The following FARP2 variants were observed in gnomAD, a reference collection of about 807,000 sequenced individuals.
The protein encoded by FARP2 is FERM, ARH/RhoGEF and pleckstrin domain protein 2.
Under a neutral mutation model 130.5 loss-of-function variants are expected in FARP2, and 111 were observed. That is an observed-to-expected ratio of 0.85 (90% CI 0.73 to 1.00). The LOEUF is 1.00. FARP2 is among the 50% of genes least tolerant of loss of function. FARP2 has a pLI of 0.00. For synonymous variants in FARP2, 504 were observed against 516.9 expected, an observed-to-expected ratio of 0.98 and a Z score of 0.34; for missense variants, 1,385 against 1,346.3, an observed-to-expected ratio of 1.03 and a Z score of -0.45.
Position 241,413,332 on chromosome 2 carries a change from G to A in FARP2, c.534G>A (p.Thr178=), listed in dbSNP as rs138549813. The change falls in exon 7 of 27, where the codon ACG becomes ACA. Residue 178 remains threonine, a synonymous_variant. Coordinates refer to ENST00000264042, the MANE Select transcript of FARP2 (RefSeq NM_014808.4). The stretch of plus-strand genomic sequence containing the variant: ...CGGAAATAGGAGATTACGATGAAAC[G>A]CTGGACCGAGAGCACCTCAAAGTGA... ...LQSEIGDYDE[T]LDREHLKVNE... is the part of the protein sequence containing the mutation. The A allele has an allele frequency of 1.4e-4, 221 of 1,610,528 alleles. No homozygotes were observed. The African/African-American group carries it at 1.8e-3, about 13-fold the overall frequency.
Position 241,356,799 on chromosome 2 carries a change from A to G in FARP2, c.-25+411A>G, listed in dbSNP as rs77625769. On this transcript the variant is annotated intron_variant, in intron 1 of 26. Coordinates refer to ENST00000264042, the MANE Select transcript of FARP2 (RefSeq NM_014808.4). ...GTGTCCCATCCCGGAAGGACACCCC[A>G]GAGTGGGCCATAGGGACCCGCAGGG... 5.1e-3 allele frequency among the ~76,000 whole-genome samples: 781 copies of G among 152,374 alleles called. 4 individuals carry two copies. Among genetic ancestry groups the G allele is most frequent in the African/African-American group, 0.018 (746 of 41,600 alleles).
intron 1 of FARP2, among the ~76,000 whole-genome samples, chr2:241,366,123 GTATA>G (rs57241708): frequency 2.3e-5 from 2 of 88,012 alleles, no homozygotes; most frequent in African/African-American, 9.0e-5. Flanking sequence ...ATATATATAC[GTATA>G]TATATATATA....
chr2:241,476,075 T>A (rs1574897841), intron 19 of FARP2, 88 bp downstream of exon 19: 5 of 1,324,544 alleles, frequency 3.8e-6, no homozygotes, highest in Admixed American at 2.2e-5. Context: ...GTCACCATTT[T>A]AAAATGTATA....
At chr2:241,487,307 G>A (rs1005007917) in intron 21 of FARP2, among the ~76,000 whole-genome samples, 2 of 152,214 alleles carry the variant, frequency 1.3e-5, no homozygotes, top group African/African-American at 4.8e-5. Flanking sequence ...AATTGAAACA[G>A]ACACTCCTCA....
At chr2:241,444,248 A>G (rs1381909623) in intron 13 of FARP2, 1 of 152,294 alleles carries the variant, frequency 6.6e-6, no homozygotes, top group Non-Finnish European at 1.5e-5. Flanking sequence ...ACAGAAGCGC[A>G]GCAGTGAACC....
chr2:241,420,112 C>T (rs1027379077), intron 8 of FARP2, among the ~76,000 whole-genome samples: 1 of 152,234 alleles, frequency 6.6e-6, no homozygotes, highest in Non-Finnish European at 1.5e-5. Flanking sequence ...GATCGTGCCA[C>T]TGCACTGCAG....
chr2:241,468,083 C>CT, intron 17 of FARP2, 57 bp from the exon 18 acceptor site: 1 of 1,166,482 alleles, frequency 8.6e-7, no homozygotes. Context: ...ACAGGCCAGT[C>CT]TCCCCCTGGA....
chr2:241,455,334 T>C (rs1038162753), intron 13 of FARP2, among the ~76,000 whole-genome samples: 1 of 152,242 alleles, frequency 6.6e-6, no homozygotes, highest in African/African-American at 2.4e-5. Context: ...CATGATAGTT[T>C]CAGTGTTCAA....
chr2:241,383,996 GA>G (rs570330365), intron 2 of FARP2, among the ~76,000 whole-genome samples: 89 of 152,100 alleles, frequency 5.9e-4, no homozygotes, highest in African/African-American at 1.9e-3. Flanking sequence ...TGACCTTCCA[GA>G]AGGTGCTAAC....
At chr2:241,458,088 C>A (rs2063911501) in intron 14 of FARP2, among the ~76,000 whole-genome samples, 1 of 152,296 alleles carries the variant, frequency 6.6e-6, no homozygotes, top group South Asian at 2.1e-4. Flanking sequence ...GGCAGGGATG[C>A]TGTGGCCTCA....
rs183708693 is a variant in FARP2 at position 241,491,306 on chromosome 2, T to G, written c.2623+127T>G. The G allele has an allele frequency of 3.4e-4, 297 of 874,338 alleles. No homozygotes were observed. In the East Asian group the frequency reaches 6.5e-3, roughly 19 times the overall value. 54.2% of individuals were successfully genotyped at this position (874,338 alleles called of 1,614,324 possible). On this transcript the variant is annotated intron_variant, in intron 23 of 26. Coordinates refer to ENST00000264042, the MANE Select transcript of FARP2 (RefSeq NM_014808.4). Reference sequence around the variant, plus strand: ...CACAATCCCCTTCCACAAGGAATGTTCCAGGCTACGCCTCATGCCTGGGCG... The same window carrying G: ...CACAATCCCCTTCCACAAGGAATGTGCCAGGCTACGCCTCATGCCTGGGCG...
intron 13 of FARP2, chr2:241,447,270 C>T (rs1197416830): frequency 2.6e-5 from 4 of 152,216 alleles, no homozygotes; most frequent in African/African-American, 9.7e-5. Flanking sequence ...CTGACATCTT[C>T]ATAGGCTTCT....
chr2:241,463,048 C>G (rs35319025), intron 15 of FARP2, among the ~76,000 whole-genome samples: 13,466 of 152,240 alleles, frequency 0.088, 812 homozygotes, highest in Middle Eastern at 0.14. Flanking sequence ...TTAAATATAT[C>G]TGTTTTAAAA....
chr2:241,390,077 C>T (rs2061871684), intron 2 of FARP2, among the ~76,000 whole-genome samples: 1 of 152,202 alleles, frequency 6.6e-6, no homozygotes, highest in South Asian at 2.1e-4. Context: ...AGTTTTGCAC[C>T]TCACTGTGCC....
At chr2:241,378,631 A>G (rs575745177) in intron 2 of FARP2, among the ~76,000 whole-genome samples, 2 of 151,220 alleles carry the variant, frequency 1.3e-5, no homozygotes, top group East Asian at 2.0e-4. Flanking sequence ...ATTTGTCTCA[A>G]ACTCTTGGTC....
At chr2:241,381,385 A>G (rs866539014) in intron 2 of FARP2, among the ~76,000 whole-genome samples, 7 of 152,218 alleles carry the variant, frequency 4.6e-5, no homozygotes, top group African/African-American at 1.7e-4. Context: ...CTTTGAGAAG[A>G]GTTCACAGGC....
Position 241,402,854 on chromosome 2 carries a change from A to G in FARP2, c.184-974A>G, listed in dbSNP as rs866428594. ...AGCTAATTTATATATATATATATAT[A>G]TATATATATATATATATATATATAT... is the stretch of plus-strand genomic sequence containing the variant. On this transcript the variant is annotated intron_variant, in intron 2 of 26. Coordinates refer to ENST00000264042, the MANE Select transcript of FARP2 (RefSeq NM_014808.4). Among the ~76,000 whole-genome samples the G allele has an allele frequency of 3.5e-3, 23 of 6,548 alleles. 1 individual carries two copies. The highest frequency in any genetic ancestry group is 0.013 in the African/African-American group (21 of 1,674). 4.3% of individuals were successfully genotyped at this position (6,548 alleles called of 152,430 possible).
chr2:241,434,349 G>A, intron 10 of FARP2, 28 bp downstream of exon 10: 2 of 1,532,782 alleles, frequency 1.3e-6, no homozygotes, highest in Middle Eastern at 1.7e-4. Context: ...GCTTGCATGG[G>A]CCCCTCACTG....
rs772264644 is a variant in FARP2, at chr2:241,416,273, C to T, written c.624-1689C>T. ...GTATCCGCTAAAAACCCTAGAAAGCCGGTACGAGAAGGGTGAGCCATGTGG... is the reference window on the plus strand; with the variant it reads ...GTATCCGCTAAAAACCCTAGAAAGCTGGTACGAGAAGGGTGAGCCATGTGG... On this transcript the variant is annotated intron_variant, in intron 7 of 26. Coordinates refer to ENST00000264042, the MANE Select transcript of FARP2 (RefSeq NM_014808.4). 3.5e-4 allele frequency among the ~76,000 whole-genome samples: 53 copies of T among 152,076 alleles called. No homozygotes were observed. In the Middle Eastern group the frequency reaches 0.01, roughly 29 times the overall value.
Sources: allele counts gnomAD v4.1 joint callset (sites outside exome capture counted in the v4.1 genomes callset), GRCh38; gene constraint gnomAD v4.1.1; transcripts MANE v1.5; gene names NCBI Gene and HGNC (gene_info 2026-07-23, HGNC 2026-07-21).